STK10: variants seen among roughly 807,000 people sequenced by gnomAD.
The protein encoded by STK10 is serine/threonine-protein kinase 10.
A neutral mutation model predicts 113.8 loss-of-function variants in STK10; 78 were observed. The ratio of observed to expected loss-of-function variants is 0.69; its 90% CI spans 0.57 to 0.83. The LOEUF is 0.83. STK10 is among the 40% of genes least tolerant of loss of function. The pLI is 0.00. For synonymous variants in STK10, 465 were observed against 494.7 expected, an observed-to-expected ratio of 0.94 and a Z score of 0.80; for missense variants, 1,109 against 1,280.1, an observed-to-expected ratio of 0.87 and a Z score of 2.04.
At chr5:172,137,442 G>A (rs952353435) in intron 2 of STK10, among the ~76,000 whole-genome samples, 1 of 151,866 alleles carries the variant, frequency 6.6e-6, no homozygotes, top group Non-Finnish European at 1.5e-5. Context: ...TTAACACGAT[G>A]AAAGGAGATA....
At chr5:172,178,423 C>G (rs1770795498) in intron 1 of STK10, among the ~76,000 whole-genome samples, 1 of 152,204 alleles carries the variant, frequency 6.6e-6, no homozygotes, top group South Asian at 2.1e-4. Flanking sequence ...TCTCGGCTGG[C>G]TGCCTGCTTG....
intron 1 of STK10, among the ~76,000 whole-genome samples, chr5:172,164,270 T>G (rs1462443656): frequency 6.7e-6 from 1 of 149,296 alleles, no homozygotes; most frequent in Non-Finnish European, 1.5e-5. Context: ...ATGAAATGCA[T>G]TCTCAGAACA....
chr5:172,174,114 C>A (rs1770711168), intron 1 of STK10, among the ~76,000 whole-genome samples: 1 of 152,134 alleles, frequency 6.6e-6, no homozygotes, highest in Non-Finnish European at 1.5e-5. Context: ...ACAAGCGAGG[C>A]CCGGCATTCA....
chr5:172,101,326 C>G (rs749652227), intron 7 of STK10, among the ~76,000 whole-genome samples: 26 of 151,970 alleles, frequency 1.7e-4, no homozygotes, highest in Non-Finnish European at 2.2e-4. Context: ...CAAAAATTAC[C>G]CAGGCGTGGT....
At chr5:172,091,858 C>G (rs752452963) in intron 9 of STK10, among the ~76,000 whole-genome samples, 7 of 152,176 alleles carry the variant, frequency 4.6e-5, no homozygotes, top group Non-Finnish European at 8.8e-5. Context: ...TGTAGCCCAG[C>G]CCTGCCTTCC....
At chr5:172,160,410 G>A (rs904120122) in intron 1 of STK10, among the ~76,000 whole-genome samples, 1 of 151,856 alleles carries the variant, frequency 6.6e-6, no homozygotes, top group Non-Finnish European at 1.5e-5. Context: ...GGGAGGTGGA[G>A]GTTGCAGTGA....
intron 1 of STK10, among the ~76,000 whole-genome samples, chr5:172,165,378 C>T (rs1355509064): frequency 6.6e-6 from 1 of 152,202 alleles, no homozygotes; most frequent in African/African-American, 2.4e-5. Flanking sequence ...ATCTGTGACA[C>T]AGGTGTGCCT....
At chr5:172,173,678 T>C (rs1368917444) in intron 1 of STK10, among the ~76,000 whole-genome samples, 1 of 152,126 alleles carries the variant, frequency 6.6e-6, no homozygotes, top group Non-Finnish European at 1.5e-5. Context: ...CCCAGAACGC[T>C]TTACATCCCT....
At chr5:172,091,975 G>A (rs1025202011) in intron 9 of STK10, among the ~76,000 whole-genome samples, 1 of 151,578 alleles carries the variant, frequency 6.6e-6, no homozygotes, top group African/African-American at 2.4e-5. Flanking sequence ...AGTCGAGAGG[G>A]GCAGACTGTT....
At chr5:172,162,113 G>A (rs1770483391) in intron 1 of STK10, among the ~76,000 whole-genome samples, 1 of 152,136 alleles carries the variant, frequency 6.6e-6, no homozygotes, top group Non-Finnish European at 1.5e-5. Flanking sequence ...GGTCGGGGCA[G>A]GTGGCTCACC....
At position 172,082,509 on chromosome 5, in the gene STK10, A is replaced by AAAGG. The variant is rs1768456518; in HGVS notation, c.1810-8_1810-5dup. The stretch of plus-strand genomic sequence containing the variant: ...TGTCAAAGAACTTCTTCTTGGCCTG[A>AAAGG]AAGGAGCAGAAATTCTGAGAAACTT... On this transcript the variant is annotated splice_region_variant and splice_polypyrimidine_tract_variant and intron_variant, in intron 11 of 18. Transcript: ENST00000176763. The surrounding 1 kb of genome is among the most constrained non-coding windows in gnomAD (Gnocchi z 4.3). 6.4e-7 allele frequency: 1 copy of AAAGG among 1,568,690 alleles called. No homozygotes were observed.
At chr5:172,171,776 GAAAGTCTAGAAAT>G (rs1770669273) in intron 1 of STK10, among the ~76,000 whole-genome samples, 1 of 152,224 alleles carries the variant, frequency 6.6e-6, no homozygotes, top group Non-Finnish European at 1.5e-5. Context: ...GGTCCAGAGT[GAAAGTCTAGAAAT>G]ATTCACTCAT....
chr5:172,178,993 C>T (rs1770807039), intron 1 of STK10, among the ~76,000 whole-genome samples: 1 of 152,158 alleles, frequency 6.6e-6, no homozygotes, highest in Admixed American at 6.6e-5. Flanking sequence ...AAGAACGACC[C>T]CACCCAAAAT....
At chr5:172,062,128 C>A (rs35054535) in intron 13 of STK10, among the ~76,000 whole-genome samples, 1,762 of 152,030 alleles carry the variant, frequency 0.012, 35 homozygotes, top group African/African-American at 0.04. Context: ...CAGGTGCACA[C>A]CACCACACCT....
intron 14 of STK10, among the ~76,000 whole-genome samples, chr5:172,060,131 G>T (rs116775277): frequency 1.0e-3 from 158 of 152,180 alleles, no homozygotes; most frequent in African/African-American, 3.6e-3. Flanking sequence ...CCCCAGGCTG[G>T]GCACGTTGGC....
chr5:172,045,465 C>CGGT, intron 18 of STK10: 1 of 453,402 alleles, frequency 2.2e-6, no homozygotes, highest in South Asian at 1.6e-5. Flanking sequence ...ACTTGGGCGA[C>CGGT]GGTGCGAGAC....
At chr5:172,057,784 G>C (rs546441035) in intron 14 of STK10, among the ~76,000 whole-genome samples, 1 of 152,320 alleles carries the variant, frequency 6.6e-6, no homozygotes, top group East Asian at 1.9e-4. Flanking sequence ...TAGGAATGGA[G>C]AGGTTCTCTA....
intron 7 of STK10, among the ~76,000 whole-genome samples, chr5:172,102,085 G>A (rs1241587740): frequency 1.3e-5 from 2 of 152,170 alleles, no homozygotes; most frequent in African/African-American, 4.8e-5. Context: ...GGCCCCTGTT[G>A]AGAAGGTTCA....
intron 16 of STK10, among the ~76,000 whole-genome samples, chr5:172,055,039 G>A (rs1279074007): frequency 1.3e-5 from 2 of 152,212 alleles, no homozygotes; most frequent in Admixed American, 6.5e-5. Context: ...GTGGGAGTGC[G>A]GAAGGGAAGG....
Sources: gnomAD v4.1 joint callset for allele counts (sites outside exome capture counted in the v4.1 genomes callset) on GRCh38, gnomAD v4.1.1 for gene constraint, Gnocchi (gnomAD v3.1) non-coding constraint, MANE v1.5 for transcripts, NCBI Gene and HGNC (gene_info 2026-07-23, HGNC 2026-07-21) for gene names.